The following MAPKAP1 variants were observed in gnomAD, a reference collection of about 807,000 sequenced individuals.
The protein encoded by MAPKAP1 is MAPK associated protein 1.
MAPKAP1 carries 20 observed loss-of-function variants against 65.7 expected under a neutral mutation model. That is an observed-to-expected ratio of 0.30 (90% confidence interval 0.21 to 0.44). The LOEUF (loss-of-function observed/expected upper bound fraction) is 0.44. Ranked by LOEUF, MAPKAP1 falls within the 20% of genes least tolerant of loss-of-function variation. MAPKAP1 has a pLI of 1.00. For missense variants in MAPKAP1, 423 were observed against 648.0 expected, an observed-to-expected ratio of 0.65 and a Z score of 3.77; for synonymous variants, 222 against 244.3, an observed-to-expected ratio of 0.91 and a Z score of 0.85.
At chr9:125,618,698 A>T (rs577001921) in intron 4 of MAPKAP1, among the ~76,000 whole-genome samples, 1 of 152,130 alleles carries the variant, frequency 6.6e-6, no homozygotes, top group Non-Finnish European at 1.5e-5. Context: ...TACACCTCAA[A>T]TATGTTTTTC....
intron 4 of MAPKAP1, among the ~76,000 whole-genome samples, chr9:125,643,775 A>G (rs1485058163): frequency 6.6e-6 from 1 of 152,196 alleles, no homozygotes; most frequent in African/African-American, 2.4e-5. Flanking sequence ...ATATATAATT[A>G]GGCTTTTGAT....
At chr9:125,637,138 G>A (rs1008187012) in intron 4 of MAPKAP1, among the ~76,000 whole-genome samples, 12 of 151,830 alleles carry the variant, frequency 7.9e-5, no homozygotes, top group East Asian at 1.9e-4. Context: ...ATGTGGTGGC[G>A]CACACCTGTA....
intron 9 of MAPKAP1, among the ~76,000 whole-genome samples, chr9:125,481,290 G>A (rs1209146320): frequency 6.6e-6 from 1 of 151,978 alleles, no homozygotes; most frequent in African/African-American, 2.4e-5. Flanking sequence ...GGGGAAAGAA[G>A]CCCATGATCT....
chr9:125,449,685 C>G (rs1030262336), intron 10 of MAPKAP1, among the ~76,000 whole-genome samples: 8 of 152,136 alleles, frequency 5.3e-5, no homozygotes, highest in African/African-American at 1.9e-4. Flanking sequence ...AGACGTCCAG[C>G]TTTTGTGCTT....
chr9:125,610,430 T>G (rs1832564865), intron 4 of MAPKAP1, among the ~76,000 whole-genome samples: 1 of 152,138 alleles, frequency 6.6e-6, no homozygotes, highest in Non-Finnish European at 1.5e-5. Flanking sequence ...GAAAAGAGAA[T>G]CTAGAATGAA....
intron 8 of MAPKAP1, among the ~76,000 whole-genome samples, chr9:125,500,998 C>T (rs1395694299): frequency 6.6e-6 from 1 of 152,062 alleles, no homozygotes; most frequent in African/African-American, 2.4e-5. Flanking sequence ...GTAACTTTTC[C>T]TTTGGCTCAC....
Position 125,439,265 on chromosome 9 carries a change from C to T in MAPKAP1, c.1444-253G>A, listed in dbSNP as rs1378708526. Among the ~76,000 whole-genome samples, 3 of 152,244 alleles carry T rather than the reference C, an allele frequency of 2.0e-5. No homozygotes were observed. The highest frequency in any genetic ancestry group is 4.4e-5 in the Non-Finnish European group (3 of 68,032). ...GGCTTCCCAGTCAGTGAGCGGCGAG[C>T]TCTTCAGGTTCCGGAGCCCATGCTC... On this transcript the variant is annotated intron_variant, in intron 11 of 11. Transcript: ENST00000265960. This position sits in a 1 kb window ranked among gnomAD's most constrained non-coding sequence, Gnocchi z 4.0.
chr9:125,480,377 G>A lies in MAPKAP1; in HGVS notation c.1207+4066C>T, dbSNP rs144291613. On this transcript the variant is annotated intron_variant, in intron 9 of 11. Coordinates refer to ENST00000265960, the MANE Select transcript of MAPKAP1 (RefSeq NM_001006617.3). ...TCTTTTAGAAGCCCCTCTGAAATGC[G>A]ACTCTACACCAGAGGGTGCCATGTG... Among the ~76,000 whole-genome samples, 207 of 152,070 alleles carry A rather than the reference G, an allele frequency of 1.4e-3. 1 individual carries two copies. The highest frequency in any genetic ancestry group is 4.8e-3 in the African/African-American group (199 of 41,488).
chr9:125,611,369 T>G (rs1832595230), intron 4 of MAPKAP1, among the ~76,000 whole-genome samples: 1 of 152,124 alleles, frequency 6.6e-6, no homozygotes, highest in Non-Finnish European at 1.5e-5. Context: ...TTGAAGAAAT[T>G]ACCTAGAATG....
intron 5 of MAPKAP1, chr9:125,568,143 G>C (rs529503781): frequency 6.6e-6 from 1 of 152,210 alleles, no homozygotes; most frequent in East Asian, 1.9e-4. Flanking sequence ...ACTGACCTTG[G>C]GTTAGAGGCC....
intron 10 of MAPKAP1, among the ~76,000 whole-genome samples, chr9:125,445,114 T>C (rs1852658086): frequency 1.3e-5 from 2 of 150,270 alleles, no homozygotes; most frequent in South Asian, 4.3e-4. Context: ...CCCAAAGGCC[T>C]CAGGTCATCT....
intron 4 of MAPKAP1, among the ~76,000 whole-genome samples, chr9:125,656,719 G>A (rs929934160): frequency 2.0e-5 from 3 of 151,904 alleles, no homozygotes; most frequent in Non-Finnish European, 2.9e-5. Context: ...AATACCTCCA[G>A]GCAAAGAGCT....
intron 4 of MAPKAP1, among the ~76,000 whole-genome samples, chr9:125,652,408 T>C (rs1179516213): frequency 6.6e-6 from 1 of 152,230 alleles, no homozygotes; most frequent in African/African-American, 2.4e-5. Context: ...CCTGATACAT[T>C]TTAAACAAAG....
At chr9:125,639,001 G>A (rs1353914463) in intron 4 of MAPKAP1, among the ~76,000 whole-genome samples, 4 of 152,184 alleles carry the variant, frequency 2.6e-5, no homozygotes, top group African/African-American at 4.8e-5. Context: ...CACTTTGGGA[G>A]GCTGAGACGG....
At chr9:125,452,200 G>A (rs1031392377) in intron 10 of MAPKAP1, among the ~76,000 whole-genome samples, 4 of 151,966 alleles carry the variant, frequency 2.6e-5, no homozygotes, top group Non-Finnish European at 5.9e-5. Context: ...CTGAGTTTGA[G>A]TGATCCTCCC....
chr9:125,597,630 C>G (rs1290425590), intron 4 of MAPKAP1, among the ~76,000 whole-genome samples: 1 of 152,150 alleles, frequency 6.6e-6, no homozygotes, highest in Non-Finnish European at 1.5e-5. Flanking sequence ...GGATAGACAG[C>G]TTAGCTTCTG....
At position 125,644,934 on chromosome 9, in the gene MAPKAP1, T is replaced by C. The variant is rs150363753; in HGVS notation, c.498+12717A>G. Reference sequence around the variant, plus strand: ...ATATGAAAAATGTGTTTTTTTAATATATTCAAGAGCATGTTAGACATAGCG... The same window carrying C: ...ATATGAAAAATGTGTTTTTTTAATACATTCAAGAGCATGTTAGACATAGCG... On this transcript the variant is annotated intron_variant, in intron 4 of 11. Transcript: ENST00000265960. Among the ~76,000 whole-genome samples, 261 of 152,346 alleles carry C rather than the reference T, an allele frequency of 1.7e-3. 1 individual carries two copies. Among genetic ancestry groups the C allele is most frequent in the African/African-American group, 5.9e-3 (245 of 41,586 alleles).
At chr9:125,638,036 T>G (rs985365380) in intron 4 of MAPKAP1, among the ~76,000 whole-genome samples, 4 of 152,192 alleles carry the variant, frequency 2.6e-5, no homozygotes, top group African/African-American at 9.7e-5. Flanking sequence ...CCTCTTGAAG[T>G]GCTGGGATTA....
chr9:125,597,965 T>A (rs540728655), intron 4 of MAPKAP1, among the ~76,000 whole-genome samples: 2 of 152,200 alleles, frequency 1.3e-5, no homozygotes, highest in East Asian at 3.9e-4. Flanking sequence ...CTAATGATAA[T>A]TAATGGACTT....
Sources: allele counts gnomAD v4.1 joint callset (sites outside exome capture counted in the v4.1 genomes callset), GRCh38; gene constraint gnomAD v4.1.1; non-coding constraint Gnocchi (gnomAD v3.1); transcripts MANE v1.5; gene names NCBI Gene and HGNC (gene_info 2026-07-23, HGNC 2026-07-21).